Variants in EDA2R observed in about 807,000 individuals in gnomAD.
The protein encoded by EDA2R is ectodysplasin A2 receptor.
In EDA2R, 26 loss-of-function variants were observed where a neutral mutation model predicts 20.1. The ratio of observed to expected loss-of-function variants is 1.30; its 90% CI spans 0.95 to 1.80. The LOEUF (loss-of-function observed/expected upper bound fraction) is 1.80. EDA2R is among the 40% of genes most tolerant of loss of function. The probability of loss-of-function intolerance (pLI) is 0.00; values close to 1 mark genes in which losing one functional copy is unlikely to be tolerated. For synonymous variants in EDA2R, 114 were observed against 88.7 expected, an observed-to-expected ratio of 1.29 and a Z score of -1.60; for missense variants, 277 against 228.7, an observed-to-expected ratio of 1.21 and a Z score of -1.36.
intron 5 of EDA2R, 28 bp from the exon 6 acceptor site, chrX:66,599,888 G>C (rs776545021): frequency 1.0e-5 from 12 of 1,191,549 alleles, no homozygotes; most frequent in Non-Finnish European, 1.1e-5. Flanking sequence ...AAGCCACTGG[G>C]TTACCCAAAA....
chrX:66,611,626 T>C (rs1317466300), intron 2 of EDA2R, among the ~76,000 whole-genome samples: 1 of 110,134 alleles, frequency 9.1e-6, no homozygotes, highest in Non-Finnish European at 1.9e-5. Context: ...ACAACAGAAT[T>C]TATGCAATAT....
At chrX:66,619,997 C>T (rs1040541922) in intron 1 of EDA2R, among the ~76,000 whole-genome samples, 21 of 111,564 alleles carry the variant, frequency 1.9e-4, no homozygotes, top group Non-Finnish European at 3.8e-4. Flanking sequence ...CACGCCCCTT[C>T]CCAGTCAATA....
At position 66,598,143 on chromosome X, in the gene EDA2R, C is replaced by T. The variant is rs1300438678; in HGVS notation, c.*11-50G>A. ...GAAACATGTGGGGAAATCTCACTAG[C>T]ACCCTTCTTTCTCTACCCCTCCAAA... On this transcript the variant is annotated intron_variant, in intron 6 of 6. Transcript: ENST00000374719. 1.2e-5 allele frequency: 7 copies of T among 575,315 alleles called. No individual in the cohort carries two copies. In the Admixed American group the frequency reaches 2.5e-4, roughly 20 times the overall value. The allele number at this position is 575,315 out of a possible 1,213,427, so 47.4% of individuals were successfully genotyped here. A position where few individuals can be genotyped will look rare whatever the true frequency, so the allele number is the denominator to read the frequency against.
chrX:66,638,281 A>G (rs919631222), intron 1 of EDA2R, among the ~76,000 whole-genome samples: 6 of 111,147 alleles, frequency 5.4e-5, no homozygotes, highest in African/African-American at 2.0e-4. Flanking sequence ...AGATGTTCCA[A>G]ACTCTCCTGC....
intron 1 of EDA2R, among the ~76,000 whole-genome samples, chrX:66,618,593 G>C (rs1206790839): frequency 1.8e-5 from 2 of 112,114 alleles, no homozygotes; most frequent in African/African-American, 6.5e-5. Flanking sequence ...GACCTATAAA[G>C]TTCCCAAGAG....
At chrX:66,600,339 A>G (rs745539492) in intron 5 of EDA2R, among the ~76,000 whole-genome samples, 22 of 111,901 alleles carry the variant, frequency 2.0e-4, no homozygotes, top group Non-Finnish European at 1.5e-4. Context: ...TATCAGAGAG[A>G]TGTGGCATGA....
At chrX:66,609,561 C>T (rs1287911903) in intron 2 of EDA2R, among the ~76,000 whole-genome samples, 1 of 111,812 alleles carries the variant, frequency 8.9e-6, no homozygotes. Flanking sequence ...AAACAGTGAG[C>T]TGGGGGTCAA....
chrX:66,609,365 G>T (rs924057798), intron 2 of EDA2R, among the ~76,000 whole-genome samples: 1 of 110,984 alleles, frequency 9.0e-6, no homozygotes, highest in African/African-American at 3.3e-5. Context: ...CCCCATGTTT[G>T]CCCACTCAGG....
At chrX:66,621,498 C>T (rs769038388) in intron 1 of EDA2R, among the ~76,000 whole-genome samples, 1 of 112,092 alleles carries the variant, frequency 8.9e-6, no homozygotes, top group African/African-American at 3.2e-5. Context: ...TGGGGAAAAT[C>T]CACATGTTCA....
At chrX:66,605,471 C>T (rs915486003) in intron 2 of EDA2R, among the ~76,000 whole-genome samples, 2 of 112,468 alleles carry the variant, frequency 1.8e-5, no homozygotes, top group East Asian at 5.6e-4. Flanking sequence ...TCAGCATAGG[C>T]TATGCTGCAG....
At position 66,605,082 on chromosome X, in the gene EDA2R, T is replaced by G. The variant is rs1929413423; in HGVS notation, c.232A>C (p.Thr78Pro). ...NRVQKVNCTATSNAVCGDCLP... is the reference protein window; with the variant it reads ...NRVQKVNCTAPSNAVCGDCLP... ...CAGTCCCCACAGACAGCATTAGAGG[T>G]AGCTGTGCAGTTGACCTTCTGAACA... Residue 78 changes from threonine to proline, a missense_variant, in exon 3 of 7, where the codon ACC becomes CCC. Coordinates refer to ENST00000374719, the MANE Select transcript of EDA2R (RefSeq NM_021783.5). 5 of 1,207,849 alleles carry G rather than the reference T, an allele frequency of 4.1e-6. No homozygotes were observed. Among genetic ancestry groups the G allele is most frequent in the Non-Finnish European group, 1.1e-6 (1 of 893,655 alleles).
chrX:66,632,309 A>G (rs1049221385), intron 1 of EDA2R, among the ~76,000 whole-genome samples: 2 of 111,251 alleles, frequency 1.8e-5, no homozygotes, highest in Non-Finnish European at 3.8e-5. Context: ...CTGTAGTCCC[A>G]GCTACTCGGG....
At chrX:66,621,315 C>T (rs1349695775) in intron 1 of EDA2R, among the ~76,000 whole-genome samples, 1 of 111,958 alleles carries the variant, frequency 8.9e-6, no homozygotes, top group Admixed American at 9.5e-5. Context: ...CAAAATGATG[C>T]AGCCCCTTTG....
At position 66,615,881 on chromosome X, in the gene EDA2R, G is replaced by A. The variant is rs868698407; in HGVS notation, c.87+53C>T. ...CTAATCTTGGCCTCTTTCAGTTGCCGGGCTGGTTCCTAAGATGCAACAGAA... is the reference window on the plus strand; with the variant it reads ...CTAATCTTGGCCTCTTTCAGTTGCCAGGCTGGTTCCTAAGATGCAACAGAA... On this transcript the variant is annotated intron_variant, in intron 2 of 6. Transcript: ENST00000374719. The A allele has an allele frequency of 1.9e-4, 202 of 1,044,030 alleles. No homozygotes were observed. The Middle Eastern group carries it at 2.7e-3, about 14-fold the overall frequency. 86.0% of individuals were successfully genotyped at this position (1,044,030 alleles called of 1,213,427 possible).
chrX:66,630,933 G>A (rs907881755), intron 1 of EDA2R, among the ~76,000 whole-genome samples: 10 of 105,483 alleles, frequency 9.5e-5, no homozygotes, highest in African/African-American at 1.7e-4. Flanking sequence ...GTGTATATAC[G>A]TACATATATA....
chrX:66,631,005 T>TTGTGTGTATATATACATATACACACACA (rs1169238160), intron 1 of EDA2R, among the ~76,000 whole-genome samples: 5 of 109,192 alleles, frequency 4.6e-5, no homozygotes, highest in African/African-American at 1.3e-4. Flanking sequence ...AAACACACGT[T>TTGTGTGTATATATACATATACACACACA]TGTGTGTATA....
intron 1 of EDA2R, among the ~76,000 whole-genome samples, chrX:66,620,965 CAAAAAAAAAAAAA>C (rs376190384): frequency 1.8e-5 from 1 of 55,308 alleles, no homozygotes; most frequent in African/African-American, 5.6e-5. Context: ...TATCCACTAC[CAAAAAAAAAAAAA>C]AAAAAAAAAA....
chrX:66,608,022 G>A (rs1412994702), intron 2 of EDA2R, among the ~76,000 whole-genome samples: 1 of 111,918 alleles, frequency 8.9e-6, no homozygotes, highest in Non-Finnish European at 1.9e-5. Context: ...TATTGGTTAA[G>A]AAAAATTGTA....
In EDA2R at chrX:66,598,018, G is replaced by A; in HGVS notation, c.*86C>T. On this transcript the variant is annotated 3_prime_UTR_variant, in exon 7 of 7. Transcript: ENST00000374719. The stretch of plus-strand genomic sequence containing the variant: ...AGCTCTTGTGGACATCACATTTCAG[G>A]CCCCTGCTGCTGTTGTGGTATAGGA... The A allele has an allele frequency of 9.3e-6, 9 of 966,497 alleles. No homozygotes were observed. Among genetic ancestry groups the A allele is most frequent in the Non-Finnish European group, 1.2e-5 (9 of 753,085 alleles). 79.7% of individuals were successfully genotyped at this position (966,497 alleles called of 1,213,427 possible).
Sources: allele counts gnomAD v4.1 joint callset (sites outside exome capture counted in the v4.1 genomes callset), GRCh38; gene constraint gnomAD v4.1.1; transcripts MANE v1.5; gene names NCBI Gene and HGNC (gene_info 2026-07-23, HGNC 2026-07-21).